The following RGS3 variants were observed in gnomAD, a reference collection of about 807,000 sequenced individuals.
RGS3 encodes regulator of G protein signaling 3.
In RGS3, 80 loss-of-function variants were observed where a neutral mutation model predicts 132.6. That is an observed-to-expected ratio of 0.60 (90% CI 0.50 to 0.73). The LOEUF is 0.73. RGS3 is among the 30% of genes least tolerant of loss of function. RGS3 has a pLI of 0.00. For synonymous variants in RGS3, 598 were observed against 620.6 expected, an observed-to-expected ratio of 0.96 and a Z score of 0.54; for missense variants, 1,382 against 1,530.8, an observed-to-expected ratio of 0.90 and a Z score of 1.62.
chr9:113,541,628 G>T, intron 19 of RGS3: 1 of 1,213,066 alleles, frequency 8.2e-7, no homozygotes, highest in Non-Finnish European at 1.0e-6. Context: ...TTGTGGGCAT[G>T]CAGAGACTGG....
In RGS3 at chr9:113,482,859, A is replaced by G. The variant is rs578050606; in HGVS notation, c.467-200A>G. 21 of 1,381,348 alleles carry G rather than the reference A, an allele frequency of 1.5e-5. No individual in the cohort carries two copies. The South Asian group carries it at 2.7e-4, about 18-fold the overall frequency. The allele number at this position is 1,381,348 out of a possible 1,614,324, so 85.6% of individuals were successfully genotyped here. On this transcript the variant is annotated intron_variant, in intron 4 of 24. Transcript: ENST00000350696. ...GAAGATGGTGGGAATGGCCTAGACC[A>G]GAGCAGGTTCATAGCCAATGGTGGT...
chr9:113,533,293 C>T (rs1187702461), intron 18 of RGS3, among the ~76,000 whole-genome samples: 1 of 149,894 alleles, frequency 6.7e-6, no homozygotes. Flanking sequence ...TGCAATGGTG[C>T]GATCTCAGCT....
intron 19 of RGS3, among the ~76,000 whole-genome samples, chr9:113,568,390 G>A (rs1396517565): frequency 1.3e-5 from 2 of 152,198 alleles, no homozygotes; most frequent in East Asian, 3.9e-4. Context: ...GCACCTTCTC[G>A]TCCCTTCTTA....
At position 113,472,684 on chromosome 9, in the gene RGS3, T is replaced by TA. The variant is rs532118237; in HGVS notation, c.416-6803dup. 3.9e-5 allele frequency among the ~76,000 whole-genome samples: 6 copies of TA among 152,298 alleles called. No individual in the cohort carries two copies. In the South Asian group the frequency reaches 1.2e-3, roughly 32 times the overall value. On this transcript the variant is annotated intron_variant, in intron 3 of 24. Transcript: ENST00000350696. ...CTTTTAGGGGAGGATGAAAATGTTCTAAAATTAGATAGAGGTGATTGATTA... is the reference window on the plus strand; with the variant it reads ...CTTTTAGGGGAGGATGAAAATGTTCTAAAAATTAGATAGAGGTGATTGATTA...
chr9:113,505,166 G>T, intron 10 of RGS3: 1 of 481,640 alleles, frequency 2.1e-6, no homozygotes, highest in Non-Finnish European at 3.8e-6. Flanking sequence ...GGATGGCAAA[G>T]TTTGCTTTTC....
chr9:113,563,485 A>G (rs1316415264), intron 19 of RGS3, among the ~76,000 whole-genome samples: 2 of 152,184 alleles, frequency 1.3e-5, no homozygotes, highest in Non-Finnish European at 2.9e-5. Flanking sequence ...ACACACCAGA[A>G]ATTCCATCCT....
At chr9:113,490,589 A>G (rs903370856) in intron 7 of RGS3, among the ~76,000 whole-genome samples, 4 of 148,240 alleles carry the variant, frequency 2.7e-5, no homozygotes, top group African/African-American at 1.0e-4. Flanking sequence ...AATGTTATGT[A>G]CTAAGGTAAA....
chr9:113,510,579 G>A (rs1361844959), intron 14 of RGS3, among the ~76,000 whole-genome samples: 1 of 152,212 alleles, frequency 6.6e-6, no homozygotes, highest in Non-Finnish European at 1.5e-5. Flanking sequence ...ATGCACACAG[G>A]CTGGTGTCTG....
At chr9:113,528,740 G>A (rs956872169) in intron 17 of RGS3, among the ~76,000 whole-genome samples, 1 of 152,228 alleles carries the variant, frequency 6.6e-6, no homozygotes, top group African/African-American at 2.4e-5. Flanking sequence ...GCTCCACCCA[G>A]TCTATGACAG....
chr9:113,533,252 A>G (rs1457275079), intron 18 of RGS3, among the ~76,000 whole-genome samples: 1 of 143,622 alleles, frequency 7.0e-6, no homozygotes, highest in Non-Finnish European at 1.5e-5. Context: ...TTTTTTTGAG[A>G]CAGAGTCTCA....
intron 24 of RGS3, 57 bp downstream of exon 22, chr9:113,595,822 C>A: frequency 6.4e-7 from 1 of 1,568,742 alleles, no homozygotes; most frequent in Non-Finnish European, 8.7e-7. Context: ...AGTGGCCCTT[C>A]AGCTGCAAGG....
chr9:113,474,727 T>C (rs768658620), intron 3 of RGS3, among the ~76,000 whole-genome samples: 3 of 152,214 alleles, frequency 2.0e-5, no homozygotes, highest in Admixed American at 1.3e-4. Flanking sequence ...TGACAGTTCT[T>C]AAATGGGCAG....
intron 4 of RGS3, among the ~76,000 whole-genome samples, chr9:113,480,236 A>G (rs1830115313): frequency 6.6e-6 from 1 of 152,120 alleles, no homozygotes; most frequent in African/African-American, 2.4e-5. Flanking sequence ...AGGCGGGCAG[A>G]TCACGCGGTC....
chr9:113,498,202 C>T, intron 10 of RGS3, 122 bp downstream of exon 8: 1 of 758,148 alleles, frequency 1.3e-6, no homozygotes, highest in Non-Finnish European at 2.3e-6. Flanking sequence ...GTCATGTACT[C>T]AGAAGGAATA....
At chr9:113,581,027 TG>T in intron 19 of RGS3, 1 of 59,554 alleles carries the variant, frequency 1.7e-5, no homozygotes, top group African/African-American at 6.9e-5. Context: ...GGCCAGGGGG[TG>T]GGTCGGGGGG....
intron 3 of RGS3, among the ~76,000 whole-genome samples, chr9:113,476,242 A>G (rs1829991103): frequency 6.6e-6 from 1 of 152,204 alleles, no homozygotes; most frequent in Non-Finnish European, 1.5e-5. Context: ...TGGGTGTTCC[A>G]GAAGACTGTG....
chr9:113,475,667 C>A (rs1343605385), intron 3 of RGS3, among the ~76,000 whole-genome samples: 1 of 152,130 alleles, frequency 6.6e-6, no homozygotes, highest in Non-Finnish European at 1.5e-5. Flanking sequence ...ACCTCAGCCT[C>A]CCAAAGTGCT....
chr9:113,547,613 T>G (rs993580398), intron 19 of RGS3, among the ~76,000 whole-genome samples: 2 of 152,256 alleles, frequency 1.3e-5, no homozygotes, highest in African/African-American at 4.8e-5. Flanking sequence ...GCAATTACTT[T>G]GGCACCAACC....
At chr9:113,483,560 G>T (rs557469179) in intron 5 of RGS3, among the ~76,000 whole-genome samples, 1 of 152,194 alleles carries the variant, frequency 6.6e-6, no homozygotes, top group Non-Finnish European at 1.5e-5. Context: ...GGTCCTTATA[G>T]GGGTGGGGCT....
Sources: allele counts gnomAD v4.1 joint callset (sites outside exome capture counted in the v4.1 genomes callset), GRCh38; gene constraint gnomAD v4.1.1; transcripts MANE v1.5; gene names NCBI Gene and HGNC (gene_info 2026-07-23, HGNC 2026-07-21).